The following TAB2 variants were observed in gnomAD, a reference collection of about 807,000 sequenced individuals.
TAB2 encodes the protein TGF-beta activated kinase 1 (MAP3K7) binding protein 2.
TAB2 carries 3 observed loss-of-function variants against 65.0 expected under a neutral mutation model. The observed-to-expected ratio is 0.05, with a 90% confidence interval of 0.02 to 0.12. The LOEUF (loss-of-function observed/expected upper bound fraction) is 0.12. TAB2 is among the 10% of genes least tolerant of loss of function. The pLI is 1.00. For synonymous variants in TAB2, 298 were observed against 285.1 expected (o/e 1.05, Z -0.46); for missense variants, 623 against 840.3 (o/e 0.74, Z 3.20).
At chr6:149,304,431 C>A (rs1239071695) in intron 1 of TAB2, 1 of 153,200 alleles carries the variant, frequency 6.5e-6, no homozygotes, top group Admixed American at 6.5e-5. Flanking sequence ...CCTATTCCTT[C>A]AGTAACAAAA....
chr6:149,248,311 G>C (rs778549051), intron 1 of TAB2, among the ~76,000 whole-genome samples: 1 of 152,084 alleles, frequency 6.6e-6, no homozygotes, highest in Non-Finnish European at 1.5e-5. Flanking sequence ...AGAATTGCTC[G>C]AACCTGGGAA....
chr6:149,264,202 C>T (rs1449873831), intron 1 of TAB2, among the ~76,000 whole-genome samples: 3 of 152,160 alleles, frequency 2.0e-5, no homozygotes, highest in Non-Finnish European at 4.4e-5. Context: ...AATTCCCTGG[C>T]CTCATGGCAC....
At chr6:149,329,795 G>A (rs1442466667) in intron 1 of TAB2, among the ~76,000 whole-genome samples, 2 of 151,876 alleles carry the variant, frequency 1.3e-5, no homozygotes, top group South Asian at 4.2e-4. Context: ...GTCACCAAAG[G>A]GCTTTAAGAT....
chr6:149,279,856 A>G (rs1778540965), intron 1 of TAB2, among the ~76,000 whole-genome samples: 1 of 151,884 alleles, frequency 6.6e-6, no homozygotes, highest in Non-Finnish European at 1.5e-5. Context: ...ATCAAAACCT[A>G]TTTCCCCCTT....
intron 1 of TAB2, among the ~76,000 whole-genome samples, chr6:149,353,784 A>C (rs1421627623): frequency 1.3e-5 from 2 of 152,216 alleles, no homozygotes; most frequent in African/African-American, 4.8e-5. Context: ...ATGGACTGTT[A>C]TGCAGTCATT....
chr6:149,228,274 T>C (rs937349722), intron 1 of TAB2, among the ~76,000 whole-genome samples: 7 of 152,236 alleles, frequency 4.6e-5, no homozygotes, highest in Admixed American at 1.3e-4. Flanking sequence ...AATGTATAAA[T>C]TATTCATTAT....
chr6:149,290,149 T>C (rs893222001), intron 1 of TAB2, among the ~76,000 whole-genome samples: 1 of 152,150 alleles, frequency 6.6e-6, no homozygotes, highest in Admixed American at 6.6e-5. Context: ...TTAATGCTGG[T>C]CAGCTATGAG....
At chr6:149,386,266 TTAA>T (rs1244412643) in intron 3 of TAB2, among the ~76,000 whole-genome samples, 1 of 152,232 alleles carries the variant, frequency 6.6e-6, no homozygotes, top group Non-Finnish European at 1.5e-5. Context: ...TTAAAATTTT[TTAA>T]TGTTTAGTCA....
intron 2 of TAB2, 58 bp from the exon 3 acceptor site, chr6:149,377,960 C>A: frequency 7.5e-7 from 1 of 1,337,280 alleles, no homozygotes; most frequent in Non-Finnish European, 1.1e-6. Context: ...TGTAGAGATG[C>A]AAATATAAGC....
At chr6:149,377,881 AC>A (rs1781456433) in intron 2 of TAB2, 136 bp from the exon 3 acceptor site, 1 of 718,762 alleles carries the variant, frequency 1.4e-6, no homozygotes. Flanking sequence ...GCATAAAAAA[AC>A]TTCTCAAATT....
intron 3 of TAB2, among the ~76,000 whole-genome samples, chr6:149,393,992 G>A (rs1782084645): frequency 6.6e-6 from 1 of 152,108 alleles, no homozygotes; most frequent in East Asian, 1.9e-4. Context: ...GTGATTTGTT[G>A]TATTTCATTA....
intron 1 of TAB2, among the ~76,000 whole-genome samples, chr6:149,277,967 A>G (rs1778507986): frequency 6.6e-6 from 1 of 151,374 alleles, no homozygotes; most frequent in Non-Finnish European, 1.5e-5. Flanking sequence ...AAACATATTA[A>G]TGATATAAAT....
chr6:149,235,819 G>A (rs1282368318), intron 1 of TAB2, among the ~76,000 whole-genome samples: 1 of 152,134 alleles, frequency 6.6e-6, no homozygotes, highest in Admixed American at 6.5e-5. Flanking sequence ...ACTGTCCCAG[G>A]GAAATGAGAA....
At chr6:149,265,421 C>T (rs775711028) in intron 1 of TAB2, among the ~76,000 whole-genome samples, 3 of 152,124 alleles carry the variant, frequency 2.0e-5, no homozygotes, top group Non-Finnish European at 2.9e-5. Flanking sequence ...TATTTTGCTG[C>T]GGCCTTTCTC....
rs1446230615 is a variant in TAB2 at position 149,275,285 on chromosome 6, AAAGAAAGAAAGAAAG to A, written c.-121+56511_-121+56525del. Among the ~76,000 whole-genome samples, 499 of 150,478 alleles carry A rather than the reference AAAGAAAGAAAGAAAG, an allele frequency of 3.3e-3. 5 individuals are homozygous for A. Among genetic ancestry groups the A allele is most frequent in the Middle Eastern group, 6.8e-3 (2 of 292 alleles). On this transcript the variant is annotated intron_variant, in intron 1 of 1. Coordinates refer to the TAB2 transcript ENST00000606202. The stretch of plus-strand genomic sequence containing the variant: ...GAAAGAAAGAAAGAAAGAAAGAAAG[AAAGAAAGAAAGAAAG>A]AGAAAAAAGAAAAGAGCACAATTAT...
chr6:149,379,059 C>T lies in TAB2; in HGVS notation c.1144C>T (p.Arg382Cys), dbSNP rs374479022. 3 of 1,614,116 alleles carry T rather than the reference C, an allele frequency of 1.9e-6. No homozygotes were observed. Among genetic ancestry groups the T allele is most frequent in the East Asian group, 2.2e-5 (1 of 44,874 alleles). ...CCCAAATACGGATGAGCTGATGTCC[C>T]GTAGTCAACCTAAGGTCTATATTTC... is the stretch of plus-strand genomic sequence containing the variant. ...SPPNTDELMS[R>C]SQPKVYISAN... The change falls in exon 3 of 7, where the codon CGT (arginine) becomes TGT (cysteine). Residue 382 changes from arginine (R) to cysteine (C), a missense_variant. Arg to Cys is a radical substitution (Grantham distance 180, BLOSUM62 -3). This residue lies in a region of TAB2 where 550 missense variants were observed against 665.7 expected (regional missense o/e 0.83). Coordinates refer to ENST00000637181, the MANE Select transcript of TAB2 (RefSeq NM_001292034.3).
At chr6:149,294,757 A>G (rs1464247431) in intron 1 of TAB2, among the ~76,000 whole-genome samples, 1 of 152,206 alleles carries the variant, frequency 6.6e-6, no homozygotes, top group Non-Finnish European at 1.5e-5. Context: ...AAAGATACCT[A>G]CAAACTGGAA....
intron 1 of TAB2, among the ~76,000 whole-genome samples, chr6:149,328,861 T>C (rs1227794107): frequency 6.6e-6 from 1 of 152,126 alleles, no homozygotes; most frequent in East Asian, 1.9e-4. Flanking sequence ...TGAAAGGATA[T>C]GACAGGGAAA....
chr6:149,308,107 T>A (rs1779100709), intron 1 of TAB2, among the ~76,000 whole-genome samples: 1 of 152,256 alleles, frequency 6.6e-6, no homozygotes, highest in Non-Finnish European at 1.5e-5. Context: ...ATAATTTAAC[T>A]CATTACTTAG....
Sources: gnomAD v4.1 joint callset for allele counts (sites outside exome capture counted in the v4.1 genomes callset) on GRCh38, gnomAD v4.1.1 for gene constraint, gnomAD v4.1.1 regional missense constraint, MANE v1.5 for transcripts, NCBI Gene and HGNC (gene_info 2026-07-23, HGNC 2026-07-21) for gene names.